The following CREB5 variants were observed in gnomAD, a reference collection of about 807,000 sequenced individuals.
The protein encoded by CREB5 is cAMP responsive element binding protein 5.
In CREB5, 19 loss-of-function variants were observed where a neutral mutation model predicts 57.1. The ratio of observed to expected loss-of-function variants is 0.33; its 90% confidence interval spans 0.23 to 0.49. The LOEUF (loss-of-function observed/expected upper bound fraction) is 0.49. Among genes scored for constraint, CREB5 ranks in the 20% least tolerant of loss-of-function variants. The pLI, the probability that CREB5 is intolerant of heterozygous loss-of-function variation, is 0.99. For synonymous variants in CREB5, 238 were observed against 238.3 expected (o/e 1.00, Z 0.01); for missense variants, 579 against 671.6 (o/e 0.86, Z 1.52).
chr7:28,797,509 A>G (rs902475507), intron 7 of CREB5, among the ~76,000 whole-genome samples: 2 of 152,132 alleles, frequency 1.3e-5, no homozygotes, highest in Non-Finnish European at 2.9e-5. Context: ...AACCTGGCGG[A>G]CTTATTTGAA....
chr7:28,663,412 C>T (rs370272033), intron 5 of CREB5, among the ~76,000 whole-genome samples: 1 of 152,116 alleles, frequency 6.6e-6, no homozygotes, highest in African/African-American at 2.4e-5. Context: ...ACCATATTGC[C>T]CAGGCTGGTC....
In CREB5 at chr7:28,784,292, C is replaced by A. The variant is rs111363766; in HGVS notation, c.703-19907C>A. ...ATCCTTTGGCTTCTCACTGCCCCTG[C>A]TGACCCAGCCCTGATAAATAAGCCA... On this transcript the variant is annotated intron_variant, in intron 7 of 10. Coordinates refer to ENST00000357727, the MANE Select transcript of CREB5 (RefSeq NM_182898.4). Among the ~76,000 whole-genome samples the A allele has an allele frequency of 6.2e-3, 950 of 152,264 alleles. 16 individuals are homozygous for A. Among genetic ancestry groups the A allele is most frequent in the South Asian group, 0.05 (241 of 4,826 alleles).
chr7:28,312,968 A>G (rs1562652384), intron 1 of CREB5, among the ~76,000 whole-genome samples: 1 of 152,146 alleles, frequency 6.6e-6, no homozygotes, highest in Non-Finnish European at 1.5e-5. Flanking sequence ...ATCCAGTTCA[A>G]TCTCCTATCT....
chr7:28,573,474 C>T (rs957215291), intron 5 of CREB5, among the ~76,000 whole-genome samples: 1 of 152,214 alleles, frequency 6.6e-6, no homozygotes, highest in Non-Finnish European at 1.5e-5. Flanking sequence ...AGGCTGGGAC[C>T]CACCTGTGCC....
intron 1 of CREB5, among the ~76,000 whole-genome samples, chr7:28,440,175 C>T (rs1789127009): frequency 6.6e-6 from 1 of 152,142 alleles, no homozygotes. Context: ...CAAAGATGCC[C>T]ATGAATTCTG....
intron 1 of CREB5, among the ~76,000 whole-genome samples, chr7:28,315,724 C>T (rs1785366438): frequency 6.6e-6 from 1 of 152,178 alleles, no homozygotes; most frequent in African/African-American, 2.4e-5. Context: ...TGTGGACTTG[C>T]CTCGGTGGCA....
At chr7:28,590,709 A>AT (rs1796477696) in intron 5 of CREB5, among the ~76,000 whole-genome samples, 1 of 149,412 alleles carries the variant, frequency 6.7e-6, no homozygotes, top group African/African-American at 2.5e-5. Context: ...AATAATAATA[A>AT]AAACCCAAAC....
intron 7 of CREB5, among the ~76,000 whole-genome samples, chr7:28,766,530 A>C (rs563696239): frequency 8.5e-5 from 13 of 152,320 alleles, no homozygotes; most frequent in African/African-American, 2.9e-4. Flanking sequence ...TCAGCAAGGG[A>C]TTTAAACAGA....
intron 4 of CREB5, among the ~76,000 whole-genome samples, chr7:28,539,075 G>A (rs192340457): frequency 3.2e-4 from 48 of 152,306 alleles, no homozygotes; most frequent in African/African-American, 1.1e-3. Context: ...CTACTGGAAA[G>A]TTATTGCATA....
intron 5 of CREB5, among the ~76,000 whole-genome samples, chr7:28,674,472 C>T (rs923774307): frequency 1.1e-4 from 17 of 152,210 alleles, no homozygotes; most frequent in African/African-American, 4.1e-4. Context: ...CCACCTCTTA[C>T]TGTGAGAGTA....
At chr7:28,434,620 G>C (rs1280047384) in intron 1 of CREB5, among the ~76,000 whole-genome samples, 1 of 152,164 alleles carries the variant, frequency 6.6e-6, no homozygotes, top group Non-Finnish European at 1.5e-5. Flanking sequence ...TGAGGCTGTT[G>C]ATTTTTAAAC....
chr7:28,319,439 G>A (rs900955827), intron 1 of CREB5, among the ~76,000 whole-genome samples: 8 of 152,128 alleles, frequency 5.3e-5, no homozygotes, highest in Admixed American at 2.0e-4. Flanking sequence ...AAGGTGTGTC[G>A]TCCTTTGATT....
chr7:28,438,835 C>T (rs1158850191), intron 1 of CREB5, among the ~76,000 whole-genome samples: 4 of 152,182 alleles, frequency 2.6e-5, no homozygotes, highest in African/African-American at 9.7e-5. Context: ...CACAGCATTA[C>T]AACTAATAAA....
intron 5 of CREB5, among the ~76,000 whole-genome samples, chr7:28,593,784 C>T (rs1796605138): frequency 6.6e-6 from 1 of 152,210 alleles, no homozygotes; most frequent in Non-Finnish European, 1.5e-5. Context: ...CCACATTCCC[C>T]AGAATGTGCT....
intron 5 of CREB5, among the ~76,000 whole-genome samples, chr7:28,627,493 G>A (rs777699084): frequency 3.2e-4 from 49 of 152,080 alleles, no homozygotes; most frequent in Non-Finnish European, 5.3e-4. Context: ...ATGAGGTCAC[G>A]GTTGCAAAAC....
At chr7:28,424,023 G>A (rs1788389425) in intron 1 of CREB5, among the ~76,000 whole-genome samples, 1 of 152,150 alleles carries the variant, frequency 6.6e-6, no homozygotes, top group South Asian at 2.1e-4. Flanking sequence ...TGGCAGGGTT[G>A]GTTCCTTCCC....
intron 1 of CREB5, among the ~76,000 whole-genome samples, chr7:28,328,330 G>A (rs12700867): frequency 0.13 from 20,531 of 152,170 alleles, 1,535 homozygotes; most frequent in East Asian, 0.25. Flanking sequence ...AAACAGAGCA[G>A]TTGAGACAGA....
intron 1 of CREB5, among the ~76,000 whole-genome samples, chr7:28,355,537 A>T (rs1786322404): frequency 6.6e-6 from 1 of 152,200 alleles, no homozygotes; most frequent in African/African-American, 2.4e-5. Context: ...AAAAGATTAA[A>T]CACAGCAGTG....
intron 1 of CREB5, among the ~76,000 whole-genome samples, chr7:28,354,895 C>T (rs1275216303): frequency 6.6e-6 from 1 of 152,238 alleles, no homozygotes; most frequent in African/African-American, 2.4e-5. Context: ...AAGTCACAGA[C>T]GTAAGGATGA....
Sources: allele counts gnomAD v4.1 joint callset (sites outside exome capture counted in the v4.1 genomes callset), GRCh38; gene constraint gnomAD v4.1.1; transcripts MANE v1.5; gene names NCBI Gene and HGNC (gene_info 2026-07-23, HGNC 2026-07-21).